FAM221A: variants seen among roughly 807,000 people sequenced by gnomAD.
FAM221A encodes the protein family with sequence similarity 221 member A, also known as protein FAM221A.
Under a neutral mutation model 37.6 loss-of-function variants are expected in FAM221A, and 43 were observed. The observed-to-expected ratio is 1.15, with a 90% CI of 0.90 to 1.48. The LOEUF is 1.48. Among genes scored for constraint, FAM221A ranks in the 40% most tolerant of loss-of-function variants. The pLI is 0.00. For missense variants in FAM221A, 361 were observed against 361.5 expected, an observed-to-expected ratio of 1.00 and a Z score of 0.01; for synonymous variants, 135 against 132.9, an observed-to-expected ratio of 1.02 and a Z score of -0.11.
chr7:23,689,198 T>C, intron 2 of FAM221A, 71 bp from the exon 3 acceptor site: 2 of 1,013,932 alleles, frequency 2.0e-6, no homozygotes, highest in Non-Finnish European at 2.8e-6. Context: ...CTGCCTTTAA[T>C]ATAATAGAAA....
intron 4 of FAM221A, chr7:23,693,817 T>G (rs1784887337): frequency 6.6e-6 from 1 of 152,198 alleles, no homozygotes; most frequent in Admixed American, 6.5e-5. Context: ...CATTTGAAAC[T>G]CTACCATATT....
At chr7:23,702,670 AT>A (rs5882908), downstream of FAM221A, 94,756 of 151,558 alleles carry the variant, frequency 0.63, 29,925 homozygotes, top group South Asian at 0.71. Flanking sequence ...GATATTACTG[AT>A]TTTTTTTTTC....
intron 1 of FAM221A, 107 bp from the exon 2 acceptor site, chr7:23,684,392 A>AACAGG: frequency 3.4e-6 from 3 of 883,096 alleles, no homozygotes; most frequent in Non-Finnish European, 5.0e-6. Context: ...AGACAGATTT[A>AACAGG]CAAAATAAAA....
chr7:23,680,202 T>A lies in FAM221A; in HGVS notation c.-17T>A, dbSNP rs1383396666. 5.2e-6 allele frequency: 8 copies of A among 1,543,808 alleles called. No individual in the cohort carries two copies. The highest frequency in any genetic ancestry group is 4.1e-5 in the African/African-American group (3 of 72,438). Reference sequence around the variant, plus strand: ...GTCAGCTGGTCCGCAGGGAAGCCTTTGGCTTCCCCACCGGCAATGGAGCGG... The same window carrying A: ...GTCAGCTGGTCCGCAGGGAAGCCTTAGGCTTCCCCACCGGCAATGGAGCGG... On this transcript the variant is annotated 5_prime_UTR_variant, in exon 1 of 7. Transcript: ENST00000344962.
In FAM221A at chr7:23,684,634, A is replaced by T. The variant is rs1446243661; in HGVS notation, c.201A>T (p.Lys67Asn). The change falls in exon 2 of 7, where the codon AAA becomes AAT. Residue 67 changes from lysine (K) to asparagine (N), a missense_variant. Coordinates refer to ENST00000344962, the MANE Select transcript of FAM221A (RefSeq NM_199136.5). The part of the protein sequence containing the change: ...SWRSPTGMDC[K>N]LVGPETLCFC... ...GGTCACCAACAGGGATGGATTGTAA[A>T]CTTGTGGGCCCAGAGACACTGTGTT... 3 of 1,613,980 alleles carry T rather than the reference A, an allele frequency of 1.9e-6. No individual in the cohort carries two copies. The highest frequency in any genetic ancestry group is 1.7e-6 in the Non-Finnish European group (2 of 1,179,956).
intron 4 of FAM221A, among the ~76,000 whole-genome samples, chr7:23,697,844 T>C (rs1785155388): frequency 6.6e-6 from 1 of 152,144 alleles, no homozygotes; most frequent in Non-Finnish European, 1.5e-5. Flanking sequence ...CTCAAATTCC[T>C]GGGCTCAAAT....
At chr7:23,686,315 G>A in intron 2 of FAM221A, 1 of 430,558 alleles carries the variant, frequency 2.3e-6, no homozygotes. Context: ...TCAGGTTGGA[G>A]TGCAGTGGCA....
chr7:23,689,068 A>G (rs1784548599), intron 2 of FAM221A: 1 of 415,328 alleles, frequency 2.4e-6, no homozygotes, highest in South Asian at 9.0e-5. Flanking sequence ...ATAGAAATCT[A>G]AAAGAGTAAA....
chr7:23,683,988 C>A (rs1784212683), intron 1 of FAM221A, among the ~76,000 whole-genome samples: 1 of 152,076 alleles, frequency 6.6e-6, no homozygotes, highest in South Asian at 2.1e-4. Flanking sequence ...AGATCTGAGT[C>A]CTGAAGACCT....
chr7:23,700,909 TG>T (rs765563901), intron 6 of FAM221A, 41 bp downstream of exon 6: 1 of 1,260,814 alleles, frequency 7.9e-7, no homozygotes, highest in Non-Finnish European at 1.1e-6. Context: ...AGCATTTACT[TG>T]TAGCAAAAGC....
intron 6 of FAM221A, 108 bp from the exon 7 acceptor site, chr7:23,701,988 A>C: frequency 1.7e-6 from 1 of 574,412 alleles, no homozygotes; most frequent in Non-Finnish European, 2.9e-6. Flanking sequence ...TTAGCAGCTT[A>C]ATAACTGTGG....
intron 2 of FAM221A, among the ~76,000 whole-genome samples, chr7:23,685,038 A>G (rs577446693): frequency 6.6e-6 from 1 of 152,356 alleles, no homozygotes; most frequent in South Asian, 2.1e-4. Context: ...TCACGAGGTC[A>G]GGAGTTTGAG....
chr7:23,691,433 T>C lies in FAM221A; in HGVS notation c.474T>C (p.Cys158=), dbSNP rs1784737485. The C allele has an allele frequency of 6.2e-7, 1 of 1,614,104 alleles. No individual in the cohort carries two copies. The highest frequency in any genetic ancestry group is 1.7e-5 in the Admixed American group (1 of 60,004). ...TCCATAGCTGCTTCACTTGTGCTTG[T>C]GGTCAGCCTGCATATGCCCATGACA... The part of the protein sequence containing the change: ...SGFHSCFTCA[C]GQPAYAHDTV... The change falls in exon 4 of 7, where the codon TGT becomes TGC. Residue 158 remains cysteine, a synonymous_variant. Transcript: ENST00000344962.
Position 23,691,407 on chromosome 7 carries a change from T to A in FAM221A, c.448T>A (p.Phe150Ile). ...TCNTCSKCSG[F>I]HSCFTCACGQ... The stretch of plus-strand genomic sequence containing the variant: ...TGATTCAGGTTCCAAGTGTTCAGGA[T>A]TCCATAGCTGCTTCACTTGTGCTTG... Residue 150 changes from phenylalanine (F) to isoleucine (I), a missense_variant, in exon 4 of 7, where the codon TTC becomes ATC. Coordinates refer to ENST00000344962, the MANE Select transcript of FAM221A (RefSeq NM_199136.5). 6.2e-7 allele frequency: 1 copy of A among 1,614,188 alleles called. No homozygotes were observed. Among genetic ancestry groups the A allele is most frequent in the East Asian group, 2.2e-5 (1 of 44,876 alleles).
chr7:23,701,617 A>G (rs1383749854), intron 6 of FAM221A, among the ~76,000 whole-genome samples: 1 of 152,154 alleles, frequency 6.6e-6, no homozygotes, highest in East Asian at 1.9e-4. Context: ...AAAATTACCC[A>G]ATACACATCT....
At chr7:23,690,700 A>G (rs186587881) in intron 3 of FAM221A, among the ~76,000 whole-genome samples, 3 of 152,278 alleles carry the variant, frequency 2.0e-5, no homozygotes, top group Admixed American at 2.0e-4. Flanking sequence ...ATGTTGTGTA[A>G]CCACCAGCAC....
chr7:23,694,049 G>A (rs993091681), intron 4 of FAM221A: 1 of 152,090 alleles, frequency 6.6e-6, no homozygotes, highest in Non-Finnish European at 1.5e-5. Flanking sequence ...GTGTCCATGT[G>A]TTCTCACTGT....
intron 2 of FAM221A, chr7:23,686,974 G>A (rs889701179): frequency 1.3e-5 from 2 of 152,046 alleles, no homozygotes; most frequent in Admixed American, 6.6e-5. Context: ...TAGCAGAGAC[G>A]GGATTTCTCC....
At chr7:23,698,127 A>T (rs1232291292) in intron 4 of FAM221A, 65 bp from the exon 5 acceptor site, 1 of 859,406 alleles carries the variant, frequency 1.2e-6, no homozygotes, top group Non-Finnish European at 1.9e-6. Flanking sequence ...TTTACATTAG[A>T]AGTAATAACT....
Sources: gnomAD v4.1 joint callset for allele counts (sites outside exome capture counted in the v4.1 genomes callset) on GRCh38, gnomAD v4.1.1 for gene constraint, MANE v1.5 for transcripts, NCBI Gene and HGNC (gene_info 2026-07-23, HGNC 2026-07-21) for gene names.